TRIM37: variants seen among roughly 807,000 people sequenced by gnomAD.
TRIM37 encodes E3 ubiquitin-protein ligase TRIM37.
TRIM37 carries 80 observed loss-of-function variants against 129.8 expected under a neutral mutation model. The observed-to-expected ratio is 0.62, with a 90% confidence interval of 0.51 to 0.74. TRIM37 has a LOEUF of 0.74. TRIM37 is among the 30% of genes least tolerant of loss of function. TRIM37 has a pLI of 0.00. For synonymous variants in TRIM37, 389 were observed against 387.1 expected (o/e 1.00, Z -0.06); for missense variants, 1,054 against 1,176.5 (o/e 0.90, Z 1.52).
intron 12 of TRIM37, among the ~76,000 whole-genome samples, chr17:59,058,542 AAAAAG>A (rs1203827642): frequency 1.3e-5 from 2 of 152,194 alleles, no homozygotes; most frequent in African/African-American, 4.8e-5. Context: ...AATAAAAGTT[AAAAAG>A]AAAAGAAAAA....
chr17:59,078,328 G>A (rs541807704), intron 7 of TRIM37, among the ~76,000 whole-genome samples: 2 of 152,008 alleles, frequency 1.3e-5, no homozygotes, highest in African/African-American at 2.4e-5. Context: ...AAAATAATTT[G>A]AAAGCCACAA....
chr17:58,982,679 TAAA>T (rs911854406), exon 25 of TRIM37: 3 of 476,404 alleles, frequency 6.3e-6, no homozygotes. Context: ...TTTTATTTTT[TAAA>T]ATTTGGATGT....
chr17:58,974,984 C>T, the TRIM37 span, among the ~76,000 whole-genome samples: 63 of 152,276 alleles, frequency 4.1e-4, no homozygotes, highest in Middle Eastern at 3.4e-3. Context: ...GGAAATGTCT[C>T]ATTTCTAAAA....
rs778924773 is a variant in TRIM37, at chr17:59,012,425, A to G, written c.2598T>C (p.His866=). 1.2e-6 allele frequency: 2 copies of G among 1,610,458 alleles called. No individual in the cohort carries two copies. Among genetic ancestry groups the G allele is most frequent in the East Asian group, 2.2e-5 (1 of 44,884 alleles). Reference sequence around the variant, plus strand: ...AATCAGTCATCTGCAGTCCTTCCAGATGACCTCCTTTAGCATTAGCCCTCA... The same window carrying G: ...AATCAGTCATCTGCAGTCCTTCCAGGTGACCTCCTTTAGCATTAGCCCTCA... ...VTLGANAKGG[H]LEGLQMTDLE... Residue 866 remains histidine, a synonymous_variant, in exon 22 of 24, where the codon CAT becomes CAC. Coordinates refer to ENST00000262294, the MANE Select transcript of TRIM37 (RefSeq NM_015294.6).
chr17:59,038,351 T>G (rs1423661538), intron 17 of TRIM37, among the ~76,000 whole-genome samples: 1 of 152,196 alleles, frequency 6.6e-6, no homozygotes, highest in Non-Finnish European at 1.5e-5. Flanking sequence ...CTTAGTGTTG[T>G]ATGTTCCAGG....
chr17:58,999,401 A>G lies in TRIM37; in HGVS notation c.2871T>C (p.Asn957=). 6.2e-7 allele frequency: 1 copy of G among 1,613,986 alleles called. No individual in the cohort carries two copies. Among genetic ancestry groups the G allele is most frequent in the Non-Finnish European group, 8.5e-7 (1 of 1,179,920 alleles). ...EQIGPEDLSF[N]TDENSGR The stretch of plus-strand genomic sequence containing the variant: ...ATTACCTTCCACTATTTTCATCTGT[A>G]TTGAAGCTGAGATCTTCAGGGCCTA... Residue 957 remains asparagine (N), a synonymous_variant, in exon 24 of 24, where the codon AAT becomes AAC. Coordinates refer to ENST00000262294, the MANE Select transcript of TRIM37 (RefSeq NM_015294.6).
At chr17:58,980,388 A>G (rs1383695213), downstream of TRIM37, 2 of 1,614,086 alleles carry the variant, frequency 1.2e-6, no homozygotes, top group African/African-American at 2.7e-5. This position sits in a 1 kb window ranked among gnomAD's most constrained non-coding sequence, Gnocchi z 4.7. Flanking sequence ...GACCTAGGCT[A>G]TGATGGGCGT....
chr17:59,070,259 A>G (rs114171870), intron 9 of TRIM37, among the ~76,000 whole-genome samples: 1,543 of 152,314 alleles, frequency 0.01, 27 homozygotes, highest in African/African-American at 0.035. Flanking sequence ...ACTTTTTGCC[A>G]TAATTATTTC....
intron 17 of TRIM37, among the ~76,000 whole-genome samples, chr17:59,032,307 T>C (rs570921634): frequency 6.0e-5 from 9 of 150,494 alleles, no homozygotes; most frequent in Non-Finnish European, 1.3e-4. Flanking sequence ...GGGTGGATCA[T>C]GAGGTCAGGA....
At chr17:59,056,716 CAAAAAAAAAAAAAAAAAAA>C (rs869221576) in intron 13 of TRIM37, among the ~76,000 whole-genome samples, 140 bp downstream of exon 13, 5 of 38,038 alleles carry the variant, frequency 1.3e-4, no homozygotes, top group Admixed American at 5.3e-4. Flanking sequence ...ACTATGTCTC[CAAAAAAAAAAAAAAAAAAA>C]AAAAAAAAAA....
chr17:59,005,885 G>A (rs1342515909), intron 22 of TRIM37, among the ~76,000 whole-genome samples: 3 of 152,116 alleles, frequency 2.0e-5, no homozygotes, highest in Admixed American at 6.5e-5. Context: ...ATAAAACGGC[G>A]ATATTTATAA....
intron 19 of TRIM37, among the ~76,000 whole-genome samples, chr17:59,026,878 T>C (rs908356444): frequency 6.6e-6 from 1 of 152,230 alleles, no homozygotes; most frequent in East Asian, 1.9e-4. Flanking sequence ...CTTCTTGAGA[T>C]GCATTATTTT....
chr17:59,024,214 CAAAAAAA>C (rs1237722939), intron 19 of TRIM37, among the ~76,000 whole-genome samples: 34 of 74,966 alleles, frequency 4.5e-4, no homozygotes, highest in African/African-American at 7.8e-4. Context: ...AATTCCGTAT[CAAAAAAA>C]AAAAAAAAAA....
At chr17:59,020,425 AAAAG>A (rs2036477834) in intron 19 of TRIM37, among the ~76,000 whole-genome samples, 1 of 151,896 alleles carries the variant, frequency 6.6e-6, no homozygotes, top group Admixed American at 6.6e-5. Context: ...AAATAAGTGA[AAAAG>A]AAGTTAACAA....
At chr17:59,019,239 A>G (rs1859442333) in intron 19 of TRIM37, among the ~76,000 whole-genome samples, 2 of 152,250 alleles carry the variant, frequency 1.3e-5, no homozygotes, top group African/African-American at 4.8e-5. Context: ...CCAAAAAGTA[A>G]AAACAACCCA....
In TRIM37 at chr17:59,077,549, C is replaced by T. The variant is rs1471774439; in HGVS notation, c.617-1835G>A. On this transcript the variant is annotated intron_variant, in intron 7 of 23. Coordinates refer to ENST00000262294, the MANE Select transcript of TRIM37 (RefSeq NM_015294.6). The stretch of plus-strand genomic sequence containing the variant: ...GGCAGAGGCCGGGGGTGGTGGCTCA[C>T]GTCTGTAATCCTAGCACTTTGGGAG... Among the ~76,000 whole-genome samples, 4 of 152,030 alleles carry T rather than the reference C, an allele frequency of 2.6e-5. No individual in the cohort carries two copies. The East Asian group carries it at 5.8e-4, about 22-fold the overall frequency.
At chr17:58,984,038 A>C (rs2031567406) in intron 24 of TRIM37, 1 of 152,616 alleles carries the variant, frequency 6.6e-6, no homozygotes, top group Non-Finnish European at 1.5e-5. Context: ...GGGGCTATTA[A>C]TCCCATTTAG....
At chr17:58,989,234 G>A (rs547425635) in intron 24 of TRIM37, among the ~76,000 whole-genome samples, 27 of 152,050 alleles carry the variant, frequency 1.8e-4, no homozygotes, top group African/African-American at 5.5e-4. Context: ...TCATGAGTTC[G>A]AGACCAGCCT....
In TRIM37 at chr17:59,077,882, G is replaced by A. The variant is rs865990287; in HGVS notation, c.616+1872C>T. Among the ~76,000 whole-genome samples, 12 of 149,450 alleles carry A rather than the reference G, an allele frequency of 8.0e-5. No homozygotes were observed. In the South Asian group the frequency reaches 1.5e-3, roughly 18 times the overall value. On this transcript the variant is annotated intron_variant, in intron 7 of 23. Transcript: ENST00000262294. ...CTCACGCCTGTTATCCCAGCACTTC[G>A]GGAGGCGGAGGTGGGTGGATCACCT...
Sources: gnomAD v4.1 joint callset for allele counts (sites outside exome capture counted in the v4.1 genomes callset) on GRCh38, gnomAD v4.1.1 for gene constraint, Gnocchi (gnomAD v3.1) non-coding constraint, MANE v1.5 for transcripts, NCBI Gene and HGNC (gene_info 2026-07-23, HGNC 2026-07-21) for gene names.